PRELID3B: variants seen among roughly 807,000 people sequenced by gnomAD.
PRELID3B encodes PRELI domain containing 3B.
Under a neutral mutation model 24.0 loss-of-function variants are expected in PRELID3B, and 15 were observed. The ratio of observed to expected loss-of-function variants is 0.63; its 90% CI spans 0.42 to 0.96. The LOEUF is 0.96. Ranked by LOEUF, PRELID3B falls within the 40% of genes least tolerant of loss-of-function variation. PRELID3B has a pLI of 0.00. For missense variants in PRELID3B, 189 were observed against 236.0 expected (o/e 0.80, Z 1.30); for synonymous variants, 62 against 76.0 (o/e 0.82, Z 0.96).
rs559591600 is a variant in PRELID3B at position 59,034,369 on chromosome 20, A to C, written c.*638T>G. 4 of 152,754 alleles carry C rather than the reference A, an allele frequency of 2.6e-5. No individual in the cohort carries two copies. The highest frequency in any genetic ancestry group is 9.6e-5 in the African/African-American group (4 of 41,570). 9.5% of individuals were successfully genotyped at this position (152,754 alleles called of 1,614,324 possible). A position where few individuals can be genotyped will look rare whatever the true frequency, so the allele number is the denominator to read the frequency against. On this transcript the variant is annotated 3_prime_UTR_variant, in exon 6 of 6. Transcript: ENST00000355937. ...CAAATCCAAGGAAGTTAATACCTTTACTAAGTTACAAAACTTGGGCAAATC... is the reference window on the plus strand; with the variant it reads ...CAAATCCAAGGAAGTTAATACCTTTCCTAAGTTACAAAACTTGGGCAAATC...
intron 1 of PRELID3B, among the ~76,000 whole-genome samples, chr20:59,041,962 T>C (rs2092113370): frequency 6.6e-6 from 1 of 152,188 alleles, no homozygotes; most frequent in Admixed American, 6.5e-5. Context: ...ATTCTCCACA[T>C]CCAACTGGTT....
rs548796295 is a variant in PRELID3B, at chr20:59,040,906, C to CA, written c.32+1792dup. On this transcript the variant is annotated intron_variant, in intron 1 of 5. Coordinates refer to ENST00000355937, the MANE Select transcript of PRELID3B (RefSeq NM_016045.3). The surrounding 1 kb of genome is among the most constrained non-coding windows in gnomAD (Gnocchi z 4.1). The stretch of plus-strand genomic sequence containing the variant: ...CGGATCAGGGCTGCTTCTCCCAGGA[C>CA]AAAAAAAAAGTCTGTGACGAAAAGA... 4.0e-5 allele frequency among the ~76,000 whole-genome samples: 6 copies of CA among 148,500 alleles called. No homozygotes were observed. Among genetic ancestry groups the CA allele is most frequent in the Admixed American group, 6.7e-5 (1 of 14,950 alleles).
At position 59,037,195 on chromosome 20, in the gene PRELID3B, G is replaced by A. The variant is rs1346495750; in HGVS notation, c.287C>T (p.Thr96Ile). Reference protein sequence around the residue: ...PVEKTMELKSTNISFTNMVSV... With the variant: ...PVEKTMELKSINISFTNMVSV... ...CAAAAGGGAGCCAAGACTTACATTA[G>A]TAGATTTAAGTTCCATTGTTTTCTC... Residue 96 changes from threonine to isoleucine, a missense_variant, in exon 3 of 6, where the codon ACT becomes ATT. Transcript: ENST00000355937. 8 of 1,608,674 alleles carry A rather than the reference G, an allele frequency of 5.0e-6. No individual in the cohort carries two copies. Among genetic ancestry groups the A allele is most frequent in the Non-Finnish European group, 6.8e-6 (8 of 1,175,362 alleles).
At chr20:59,041,734 C>CA (rs1047291070) in intron 1 of PRELID3B, among the ~76,000 whole-genome samples, 36 of 151,670 alleles carry the variant, frequency 2.4e-4, no homozygotes, top group African/African-American at 8.2e-4. Context: ...GACTCTGCCT[C>CA]AAAAAAGAAA....
intron 2 of PRELID3B, among the ~76,000 whole-genome samples, chr20:59,037,961 T>C (rs75093532): frequency 0.029 from 4,404 of 152,330 alleles, 179 homozygotes; most frequent in African/African-American, 0.095. Context: ...AACTGGCATT[T>C]TAGTTTCTTC....
Position 59,040,019 on chromosome 20 carries a change from C to T in PRELID3B, c.33-1385G>A, listed in dbSNP as rs1183030635. ...TCTCTAAAATGAAAATCAGATGAAC[C>T]CTCCCCAGGTCTCCATCCAGTCATA... On this transcript the variant is annotated intron_variant, in intron 1 of 5. Coordinates refer to ENST00000355937, the MANE Select transcript of PRELID3B (RefSeq NM_016045.3). This position sits in a 1 kb window ranked among gnomAD's most constrained non-coding sequence, Gnocchi z 4.1. 1.3e-5 allele frequency among the ~76,000 whole-genome samples: 2 copies of T among 152,166 alleles called. No homozygotes were observed. The highest frequency in any genetic ancestry group is 2.9e-5 in the Non-Finnish European group (2 of 68,034).
intron 1 of PRELID3B, among the ~76,000 whole-genome samples, chr20:59,041,563 C>T (rs143806490): frequency 0.013 from 2,016 of 152,148 alleles, 48 homozygotes; most frequent in African/African-American, 0.046. Context: ...GGTGAAACTC[C>T]GTCTCTACTA....
Position 59,035,079 on chromosome 20 carries a change from A to C in PRELID3B, c.513T>G (p.Ile171Met). 3 of 1,613,862 alleles carry C rather than the reference A, an allele frequency of 1.9e-6. No individual in the cohort carries two copies. Among genetic ancestry groups the C allele is most frequent in the Non-Finnish European group, 2.5e-6 (3 of 1,179,892 alleles). ...EWVIHKLNAE[I>M]EELTASARGT... ...CTCTTGCTGAGGCTGTCAGTTCTTC[A>C]ATCTCAGCATTTAATTTATGTATTA... Residue 171 changes from isoleucine to methionine, a missense_variant, in exon 6 of 6, where the codon ATT becomes ATG. By Grantham distance (10) the Ile-to-Met change is conservative (BLOSUM62 1). Transcript: ENST00000355937.
At chr20:59,041,473 G>A (rs1173353640) in intron 1 of PRELID3B, among the ~76,000 whole-genome samples, 1 of 152,174 alleles carries the variant, frequency 6.6e-6, no homozygotes, top group Non-Finnish European at 1.5e-5. Context: ...GGCACTTTGG[G>A]AGGCCAAGGC....
At chr20:59,036,000 A>C (rs1292188354) in intron 5 of PRELID3B, among the ~76,000 whole-genome samples, 2 of 152,202 alleles carry the variant, frequency 1.3e-5, no homozygotes, top group Non-Finnish European at 2.9e-5. Flanking sequence ...TTTATGTATA[A>C]AGCCCACACA....
chr20:59,035,709 T>C (rs879365808), intron 5 of PRELID3B, among the ~76,000 whole-genome samples: 6 of 152,234 alleles, frequency 3.9e-5, no homozygotes, highest in Non-Finnish European at 7.3e-5. Flanking sequence ...CATACCTTTC[T>C]GTACCTTTTC....
intron 1 of PRELID3B, among the ~76,000 whole-genome samples, chr20:59,041,676 A>T (rs772865002): frequency 2.0e-4 from 30 of 152,216 alleles, no homozygotes; most frequent in Non-Finnish European, 4.3e-4. Context: ...CGGAGGTTGC[A>T]GTGAGCCAAG....
Position 59,036,455 on chromosome 20 carries a change from A to C in PRELID3B, c.465+16T>G. Reference sequence around the variant, plus strand: ...AATGAACCAGGGAATAATAACCAAGAAGCAGCCTCACTTACTTTACTAGCA... The same window carrying C: ...AATGAACCAGGGAATAATAACCAAGCAGCAGCCTCACTTACTTTACTAGCA... On this transcript the variant is annotated intron_variant, in intron 5 of 5. Coordinates refer to ENST00000355937, the MANE Select transcript of PRELID3B (RefSeq NM_016045.3). 2 of 1,576,424 alleles carry C rather than the reference A, an allele frequency of 1.3e-6. No homozygotes were observed. Among genetic ancestry groups the C allele is most frequent in the Non-Finnish European group, 1.7e-6 (2 of 1,148,886 alleles).
intron 5 of PRELID3B, 61 bp downstream of exon 5, chr20:59,036,410 A>G: frequency 1.6e-6 from 2 of 1,278,548 alleles, no homozygotes; most frequent in East Asian, 4.6e-5. Context: ...TGCAGTCAGC[A>G]CCCCATTCCA....
At chr20:59,037,015 G>C (rs1186060862) in intron 3 of PRELID3B, among the ~76,000 whole-genome samples, 176 bp downstream of exon 3, 2 of 152,194 alleles carry the variant, frequency 1.3e-5, no homozygotes, top group African/African-American at 4.8e-5. Flanking sequence ...AGATAGGCAA[G>C]ATCATGAGAG....
intron 1 of PRELID3B, among the ~76,000 whole-genome samples, 164 bp from the exon 2 acceptor site, chr20:59,038,798 C>A (rs2092092722): frequency 6.6e-6 from 1 of 152,134 alleles, no homozygotes; most frequent in Non-Finnish European, 1.5e-5. Flanking sequence ...TTATGGGAAA[C>A]TGATCTACAT....
rs2092060837 is a variant in PRELID3B, at chr20:59,035,002, C to CA, written c.*4dup. Reference sequence around the variant, plus strand: ...GTACCCGATGTTGTCTACCAACTGTCACGATCACTTCTCTGCAAACGCTGC... The same window carrying CA: ...GTACCCGATGTTGTCTACCAACTGTCAACGATCACTTCTCTGCAAACGCTGC... On this transcript the variant is annotated 3_prime_UTR_variant, in exon 6 of 6. Transcript: ENST00000355937. 1 of 1,610,436 alleles carries CA rather than the reference C, an allele frequency of 6.2e-7. No homozygotes were observed.
At chr20:59,041,693 C>G (rs1176625853) in intron 1 of PRELID3B, among the ~76,000 whole-genome samples, 1 of 152,130 alleles carries the variant, frequency 6.6e-6, no homozygotes, top group Admixed American at 6.5e-5. Flanking sequence ...CAAGAACACG[C>G]CACTACTCTC....
intron 1 of PRELID3B, 35 bp from the exon 2 acceptor site, chr20:59,038,669 T>C: frequency 8.4e-7 from 1 of 1,189,936 alleles, no homozygotes; most frequent in East Asian, 2.4e-5. Context: ...AAAAAAAAAA[T>C]TCAGACATTT....
Sources: gnomAD v4.1 joint callset for allele counts (sites outside exome capture counted in the v4.1 genomes callset) on GRCh38, gnomAD v4.1.1 for gene constraint, Gnocchi (gnomAD v3.1) non-coding constraint, MANE v1.5 for transcripts, NCBI Gene and HGNC (gene_info 2026-07-23, HGNC 2026-07-21) for gene names.